The following SASH1 variants were observed in gnomAD, a reference collection of about 807,000 sequenced individuals.
The protein encoded by SASH1 is SAM and SH3 domain-containing protein 1.
In SASH1, 44 loss-of-function variants were observed where a neutral mutation model predicts 125.2. That is an observed-to-expected ratio of 0.35 (90% CI 0.28 to 0.45). SASH1 has a LOEUF of 0.45. Ranked by LOEUF, SASH1 falls within the 20% of genes least tolerant of loss-of-function variation. The probability of loss-of-function intolerance (pLI) is 1.00; values close to 1 mark genes in which losing one functional copy is unlikely to be tolerated. For synonymous variants in SASH1, 639 were observed against 649.1 expected (o/e 0.98, Z 0.24); for missense variants, 1,426 against 1,614.5 (o/e 0.88, Z 2.00).
At chr6:148,272,519 G>C in intron 1 of SASH1, 1 of 332,888 alleles carries the variant, frequency 3.0e-6, no homozygotes, top group South Asian at 2.7e-5. Flanking sequence ...TGCTACTGAT[G>C]AATTCATCAA....
chr6:148,461,134 A>C (rs1266385242), intron 4 of SASH1, among the ~76,000 whole-genome samples: 2 of 152,204 alleles, frequency 1.3e-5, no homozygotes, highest in African/African-American at 4.8e-5. Flanking sequence ...ATTAAGGGGT[A>C]CTGTTTTTAT....
chr6:148,362,860 A>C (rs146106902), intron 1 of SASH1, among the ~76,000 whole-genome samples: 88 of 152,214 alleles, frequency 5.8e-4, no homozygotes, highest in African/African-American at 2.1e-3. Flanking sequence ...AAATACATAC[A>C]TACATACAAG....
At chr6:148,352,416 G>C (rs1390827138) in intron 1 of SASH1, among the ~76,000 whole-genome samples, 1 of 152,004 alleles carries the variant, frequency 6.6e-6, no homozygotes, top group South Asian at 2.1e-4. Flanking sequence ...GGCCAACATA[G>C]TGAAACCCCA....
chr6:148,365,941 C>T (rs1317439342), intron 1 of SASH1, among the ~76,000 whole-genome samples: 1 of 152,072 alleles, frequency 6.6e-6, no homozygotes, highest in Non-Finnish European at 1.5e-5. Context: ...GGTGAAACCT[C>T]ATCTCTACTA....
chr6:148,400,293 A>C (rs975052330), intron 2 of SASH1, among the ~76,000 whole-genome samples: 9 of 152,250 alleles, frequency 5.9e-5, no homozygotes, highest in African/African-American at 2.2e-4. Context: ...TTAGGCAGAC[A>C]CCTGCAGGGC....
At chr6:148,504,413 G>A (rs1779684723) in intron 8 of SASH1, among the ~76,000 whole-genome samples, 2 of 152,160 alleles carry the variant, frequency 1.3e-5, no homozygotes, top group South Asian at 4.1e-4. Flanking sequence ...CTTGTTCCAA[G>A]GAGCTAATGA....
chr6:148,216,753 C>T, the SASH1 span, among the ~76,000 whole-genome samples: 1 of 151,520 alleles, frequency 6.6e-6, no homozygotes, highest in East Asian at 1.9e-4. Context: ...TTTTTTGAGA[C>T]AGAGTCACGC....
chr6:148,323,877 A>G (rs1478114211), intron 1 of SASH1, among the ~76,000 whole-genome samples: 1 of 152,106 alleles, frequency 6.6e-6, no homozygotes, highest in Non-Finnish European at 1.5e-5. Flanking sequence ...CTGTAATCCC[A>G]GCACTTTGGG....
At chr6:148,209,858 T>C in the SASH1 span, among the ~76,000 whole-genome samples, 1 of 152,230 alleles carries the variant, frequency 6.6e-6, no homozygotes, top group African/African-American at 2.4e-5. Context: ...TCTTGGAGAC[T>C]GTCTTTGGTT....
At position 148,544,805 on chromosome 6, in the gene SASH1, C is replaced by T. The variant is rs1012446876; in HGVS notation, c.3335C>T (p.Pro1112Leu). The T allele has an allele frequency of 6.3e-6, 10 of 1,589,914 alleles. No individual in the cohort carries two copies. Among genetic ancestry groups the T allele is most frequent in the Non-Finnish European group, 7.7e-6 (9 of 1,167,722 alleles). ...GAAGGCATCGATCTCACGGAGGAGC[C>T]GTATTCTGATAAGGTATCAAAGGTC... ...HAEGIDLTEE[P>L]YSDKHGRCGI... The change falls in exon 18 of 20, where the codon CCG becomes CTG. Residue 1112 changes from proline (P) to leucine (L), a missense_variant. Around this residue, in one of 3 missense-constraint regions of SASH1, gnomAD observed 634 missense variants for 694.4 expected, o/e 0.91. Coordinates refer to ENST00000367467, the MANE Select transcript of SASH1 (RefSeq NM_015278.5). This position sits in a 1 kb window ranked among gnomAD's most constrained non-coding sequence, Gnocchi z 6.4.
intron 1 of SASH1, among the ~76,000 whole-genome samples, chr6:148,322,865 A>ACCTTTCTTTCTTTCTTTC (rs1554234510): frequency 1.1e-4 from 16 of 143,258 alleles, no homozygotes; most frequent in African/African-American, 3.8e-4. Context: ...CATCCAAATC[A>ACCTTTCTTTCTTTCTTTC]TCTTTCTTTC....
At chr6:148,378,394 G>C (rs373996660) in intron 1 of SASH1, among the ~76,000 whole-genome samples, 1 of 140,220 alleles carries the variant, frequency 7.1e-6, no homozygotes, top group African/African-American at 2.7e-5. Flanking sequence ...TCACTCTGTC[G>C]CCCAGGCTGG....
At chr6:148,201,809 G>A in the SASH1 span, among the ~76,000 whole-genome samples, 1 of 152,180 alleles carries the variant, frequency 6.6e-6, no homozygotes, top group Non-Finnish European at 1.5e-5. Flanking sequence ...GGTCCTGCCA[G>A]GGGAGGCCAC....
At chr6:148,497,835 A>G (rs1391347547) in intron 8 of SASH1, among the ~76,000 whole-genome samples, 1 of 152,190 alleles carries the variant, frequency 6.6e-6, no homozygotes, top group Non-Finnish European at 1.5e-5. Context: ...TTTAGTAAGC[A>G]TGTTTGGACT....
the SASH1 span, among the ~76,000 whole-genome samples, chr6:148,242,658 T>G: frequency 6.6e-6 from 1 of 152,220 alleles, no homozygotes; most frequent in African/African-American, 2.4e-5. Context: ...TATTCCATTG[T>G]AGTTCTTTCA....
At chr6:148,235,459 C>A in the SASH1 span, among the ~76,000 whole-genome samples, 1 of 152,262 alleles carries the variant, frequency 6.6e-6, no homozygotes, top group African/African-American at 2.4e-5. Context: ...ATTTTTTCAG[C>A]ATGATTATTT....
the SASH1 span, among the ~76,000 whole-genome samples, chr6:148,252,109 G>C: frequency 2.0e-5 from 3 of 152,004 alleles, no homozygotes; most frequent in Non-Finnish European, 4.4e-5. Flanking sequence ...TTCTAGTCTT[G>C]ACGTATGACT....
At chr6:148,523,626 T>C (rs1363060245) in intron 10 of SASH1, among the ~76,000 whole-genome samples, 2 of 152,172 alleles carry the variant, frequency 1.3e-5, no homozygotes, top group Non-Finnish European at 2.9e-5. Context: ...TGTCACGAAA[T>C]GCTTTCCTTA....
intron 16 of SASH1, among the ~76,000 whole-genome samples, chr6:148,538,470 A>G (rs1205632122): frequency 6.6e-6 from 1 of 152,238 alleles, no homozygotes; most frequent in East Asian, 1.9e-4. Flanking sequence ...TCTTCCACAC[A>G]GTGAGGACAC....
Sources: allele counts gnomAD v4.1 joint callset (sites outside exome capture counted in the v4.1 genomes callset), GRCh38; gene constraint gnomAD v4.1.1; regional missense constraint gnomAD v4.1.1; non-coding constraint Gnocchi (gnomAD v3.1); transcripts MANE v1.5; gene names NCBI Gene and HGNC (gene_info 2026-07-23, HGNC 2026-07-21).